The following PPARA variants were observed in gnomAD, a reference collection of about 807,000 sequenced individuals.
PPARA encodes peroxisome proliferator-activated receptor alpha.
PPARA carries 22 observed loss-of-function variants against 42.2 expected under a neutral mutation model. That is an observed-to-expected ratio of 0.52 (90% CI 0.37 to 0.74). PPARA has a LOEUF of 0.74. Ranked by LOEUF, PPARA falls within the 30% of genes least tolerant of loss-of-function variation. PPARA has a pLI of 0.00. For synonymous variants in PPARA, 242 were observed against 239.3 expected, an observed-to-expected ratio of 1.01 and a Z score of -0.10; for missense variants, 465 against 608.2, an observed-to-expected ratio of 0.76 and a Z score of 2.48.
chr22:46,170,402 A>ATTTTT (rs935185946), intron 2 of PPARA, among the ~76,000 whole-genome samples: 37 of 64,238 alleles, frequency 5.8e-4, no homozygotes, highest in African/African-American at 2.0e-3. Flanking sequence ...CACCCAGCTA[A>ATTTTT]TTTTTTTTTT....
In PPARA at chr22:46,173,633, A is replaced by G. The variant is rs1166293511; in HGVS notation, c.-126-3120A>G. ...TGTTTCAGATTAAAAGAGAGAAGACAATAAAATGTAATACCTGACTCTGAA... is the reference window on the plus strand; with the variant it reads ...TGTTTCAGATTAAAAGAGAGAAGACGATAAAATGTAATACCTGACTCTGAA... On this transcript the variant is annotated intron_variant, in intron 2 of 8. Coordinates refer to ENST00000407236, the MANE Select transcript of PPARA (RefSeq NM_005036.6). This position sits in a 1 kb window ranked among gnomAD's most constrained non-coding sequence, Gnocchi z 4.3. Among the ~76,000 whole-genome samples the G allele has an allele frequency of 6.6e-6, 1 of 152,258 alleles. No individual in the cohort carries two copies. Among genetic ancestry groups the G allele is most frequent in the Non-Finnish European group, 1.5e-5 (1 of 68,046 alleles).
rs4253682 is a variant in PPARA, at chr22:46,183,800, G to T, written c.-43+6964G>T. The stretch of plus-strand genomic sequence containing the variant: ...TTATCAAATGTCTAGATCGTTGATG[G>T]TTGGAAGTAAAGTTGAGAAATGTTC... On this transcript the variant is annotated intron_variant, in intron 3 of 8. Coordinates refer to ENST00000407236, the MANE Select transcript of PPARA (RefSeq NM_005036.6). The surrounding 1 kb of genome is among the most constrained non-coding windows in gnomAD (Gnocchi z 5.5). 8.3e-3 allele frequency among the ~76,000 whole-genome samples: 1,264 copies of T among 152,262 alleles called. 17 individuals carry two copies. The highest frequency in any genetic ancestry group is 0.029 in the African/African-American group (1,189 of 41,546).
Position 46,225,753 on chromosome 22 carries a change from TCACA to T in PPARA, c.711+5742_711+5745del, listed in dbSNP as rs1419928598. ...CATCCATGCTCACATGGGTACACAC[TCACA>T]CATCCATGCATGCACGTGTAAACAC... On this transcript the variant is annotated intron_variant, in intron 7 of 8. Coordinates refer to ENST00000407236, the MANE Select transcript of PPARA (RefSeq NM_005036.6). This position sits in a 1 kb window ranked among gnomAD's most constrained non-coding sequence, Gnocchi z 4.1. Among the ~76,000 whole-genome samples the T allele has an allele frequency of 6.6e-5, 7 of 106,190 alleles. 1 individual carries two copies. The highest frequency in any genetic ancestry group is 2.4e-4 in the East Asian group (1 of 4,148). The allele number at this position is 106,190 out of a possible 152,430, so 69.7% of individuals were successfully genotyped here. A position where few individuals can be genotyped will look rare whatever the true frequency, so the allele number is the denominator to read the frequency against.
intron 4 of PPARA, among the ~76,000 whole-genome samples, chr22:46,201,286 C>G (rs1290086232): frequency 1.3e-5 from 2 of 152,130 alleles, no homozygotes; most frequent in Middle Eastern, 3.2e-3. Context: ...TCAGCTTAGT[C>G]AATCAGGAAT....
intron 7 of PPARA, 150 bp downstream of exon 7, chr22:46,220,164 A>C: frequency 1.1e-6 from 1 of 938,120 alleles, no homozygotes; most frequent in South Asian, 1.4e-5. Flanking sequence ...GTTCATTCTG[A>C]GACTCTGAGC....
rs4253721 is a variant in PPARA at position 46,212,338 on chromosome 22, T to C, written c.209-2835T>C. ...TCCCAAAGTGCTGGGATGACAGGCA[T>C]GAGCTACCGTGCCCAGACCACTGTT... is the stretch of plus-strand genomic sequence containing the variant. On this transcript the variant is annotated intron_variant, in intron 4 of 8. Transcript: ENST00000407236. The surrounding 1 kb of genome is among the most constrained non-coding windows in gnomAD (Gnocchi z 4.2). Among the ~76,000 whole-genome samples the C allele has an allele frequency of 0.047, 7,135 of 152,284 alleles. 282 individuals are homozygous for C. The highest frequency in any genetic ancestry group is 0.083 in the Admixed American group (1,266 of 15,286).
In PPARA at chr22:46,217,819, C is replaced by CTTTTTTTTTTTTTTTTTTT. The variant is rs60894989; in HGVS notation, c.370-433_370-415dup. 2.5e-4 allele frequency among the ~76,000 whole-genome samples: 19 copies of CTTTTTTTTTTTTTTTTTTT among 77,054 alleles called. 1 individual carries two copies. The highest frequency in any genetic ancestry group is 1.1e-3 in the African/African-American group (17 of 16,188). 50.6% of individuals were successfully genotyped at this position (77,054 alleles called of 152,430 possible). ...GACTTCTTAGAAGAACTATTTCTTT[C>CTTTTTTTTTTTTTTTTTTT]TTTTTTTTTTTTTTTTTTTTTTTTT... On this transcript the variant is annotated intron_variant, in intron 5 of 8. Transcript: ENST00000407236.
At position 46,161,366 on chromosome 22, in the gene PPARA, G is replaced by A. The variant is rs1926138050; in HGVS notation, c.-127+9396G>A. Among the ~76,000 whole-genome samples, 2 of 152,196 alleles carry A rather than the reference G, an allele frequency of 1.3e-5. No homozygotes were observed. Among genetic ancestry groups the A allele is most frequent in the Non-Finnish European group, 2.9e-5 (2 of 68,034 alleles). ...CAATTAAAAATTAGAATTCAGGTGA[G>A]TGGATCACGAGGTCAAGAGATCGAG... On this transcript the variant is annotated intron_variant, in intron 2 of 8. Transcript: ENST00000407236. This position sits in a 1 kb window ranked among gnomAD's most constrained non-coding sequence, Gnocchi z 4.8.
rs1049428026 is a variant in PPARA at position 46,183,510 on chromosome 22, G to A, written c.-43+6674G>A. ...TAGTCCCAGCACTTTGCGGGGCCCA[G>A]GAGGGCAGATCACTTGAGTTCAGGA... On this transcript the variant is annotated intron_variant, in intron 3 of 8. Coordinates refer to ENST00000407236, the MANE Select transcript of PPARA (RefSeq NM_005036.6). This position sits in a 1 kb window ranked among gnomAD's most constrained non-coding sequence, Gnocchi z 5.5. Among the ~76,000 whole-genome samples, 1 of 152,214 alleles carries A rather than the reference G, an allele frequency of 6.6e-6. No individual in the cohort carries two copies. The highest frequency in any genetic ancestry group is 2.4e-5 in the African/African-American group (1 of 41,454).
Position 46,178,726 on chromosome 22 carries a change from C to T in PPARA, c.-43+1890C>T, listed in dbSNP as rs183018547. Among the ~76,000 whole-genome samples the T allele has an allele frequency of 2.0e-5, 3 of 152,188 alleles. No individual in the cohort carries two copies. The East Asian group carries it at 5.8e-4, about 29-fold the overall frequency. ...AACAGTGCCCAGTACTTGTGCCAGC[C>T]AGGAATGGTGCCTGATACTCACGCA... is the stretch of plus-strand genomic sequence containing the variant. On this transcript the variant is annotated intron_variant, in intron 3 of 8. Transcript: ENST00000407236.
chr22:46,185,432 C>T (rs1165313153), intron 3 of PPARA, among the ~76,000 whole-genome samples: 3 of 152,108 alleles, frequency 2.0e-5, no homozygotes, highest in African/African-American at 7.2e-5. Context: ...TTGGAGTGCC[C>T]TCATTTTAAA....
chr22:46,220,124 G>A (rs1266796189), intron 7 of PPARA, 110 bp downstream of exon 7: 1 of 1,250,936 alleles, frequency 8.0e-7, no homozygotes, highest in Non-Finnish European at 1.1e-6. Context: ...TTATCCCACA[G>A]TTAAGCAAAG....
intron 7 of PPARA, 126 bp downstream of exon 7, chr22:46,220,140 C>A (rs565033888): frequency 9.0e-7 from 1 of 1,117,196 alleles, no homozygotes; most frequent in Non-Finnish European, 1.3e-6. Flanking sequence ...CAAAGGACAG[C>A]GAAGATGGAA....
rs572408633 is a variant in PPARA at position 46,160,424 on chromosome 22, A to G, written c.-127+8454A>G. On this transcript the variant is annotated intron_variant, in intron 2 of 8. Coordinates refer to ENST00000407236, the MANE Select transcript of PPARA (RefSeq NM_005036.6). This position sits in a 1 kb window ranked among gnomAD's most constrained non-coding sequence, Gnocchi z 4.5. Reference sequence around the variant, plus strand: ...CGATTCTCCTGCCTCAGCCTCCTACATAGCTGGTACTACAGGCACGCGCCA... The same window carrying G: ...CGATTCTCCTGCCTCAGCCTCCTACGTAGCTGGTACTACAGGCACGCGCCA... Among the ~76,000 whole-genome samples, 4 of 151,428 alleles carry G rather than the reference A, an allele frequency of 2.6e-5. No homozygotes were observed. The highest frequency in any genetic ancestry group is 4.4e-5 in the Non-Finnish European group (3 of 67,892).
At chr22:46,209,375 T>C (rs779696235) in intron 4 of PPARA, among the ~76,000 whole-genome samples, 2 of 152,186 alleles carry the variant, frequency 1.3e-5, no homozygotes, top group Non-Finnish European at 2.9e-5. Context: ...TTCATCAAAT[T>C]CAGAAGATTA....
Position 46,200,623 on chromosome 22 carries a change from T to C in PPARA, c.208+2032T>C, listed in dbSNP as rs1256743133. Among the ~76,000 whole-genome samples, 1 of 152,168 alleles carries C rather than the reference T, an allele frequency of 6.6e-6. No individual in the cohort carries two copies. Among genetic ancestry groups the C allele is most frequent in the Non-Finnish European group, 1.5e-5 (1 of 68,022 alleles). ...CTATACAGAAATAAGCTCAGAGAAA[T>C]TAAGTAACTTGGCTGGGCGCAGTGG... On this transcript the variant is annotated intron_variant, in intron 4 of 8. Transcript: ENST00000407236. The surrounding 1 kb of genome is among the most constrained non-coding windows in gnomAD (Gnocchi z 4.8).
rs376995918 is a variant in PPARA at position 46,186,779 on chromosome 22, C to G, written c.-43+9943C>G. ...TCAAAGAAATGTACAGTGCTCCCCC[C>G]CTTATCCAAAGAGGATACACTCCAA... On this transcript the variant is annotated intron_variant, in intron 3 of 8. Coordinates refer to ENST00000407236, the MANE Select transcript of PPARA (RefSeq NM_005036.6). Among the ~76,000 whole-genome samples, 63 of 152,030 alleles carry G rather than the reference C, an allele frequency of 4.1e-4. No individual in the cohort carries two copies. The South Asian group carries it at 0.012, about 29-fold the overall frequency.
rs1468678261 is a variant in PPARA at position 46,212,421 on chromosome 22, C to T, written c.209-2752C>T. Among the ~76,000 whole-genome samples the T allele has an allele frequency of 6.6e-6, 1 of 152,168 alleles. No homozygotes were observed. The highest frequency in any genetic ancestry group is 2.4e-5 in the African/African-American group (1 of 41,454). ...AAAACCCCATGCTTCACCTATTCAA[C>T]CCTGCCTCTCCCACCCCCAGCCAGC... On this transcript the variant is annotated intron_variant, in intron 4 of 8. Coordinates refer to ENST00000407236, the MANE Select transcript of PPARA (RefSeq NM_005036.6). The surrounding 1 kb of genome is among the most constrained non-coding windows in gnomAD (Gnocchi z 4.2).
intron 2 of PPARA, among the ~76,000 whole-genome samples, chr22:46,169,181 C>T (rs1164364441): frequency 6.6e-6 from 1 of 151,930 alleles, no homozygotes; most frequent in African/African-American, 2.4e-5. Context: ...AAACTGTGGG[C>T]TTCAGTTAGC....
Sources: gnomAD v4.1 joint callset for allele counts (sites outside exome capture counted in the v4.1 genomes callset) on GRCh38, gnomAD v4.1.1 for gene constraint, Gnocchi (gnomAD v3.1) non-coding constraint, MANE v1.5 for transcripts, NCBI Gene and HGNC (gene_info 2026-07-23, HGNC 2026-07-21) for gene names.